Variants in NLRP11 observed in about 807,000 individuals in gnomAD.
The protein encoded by NLRP11 is NACHT, LRR and PYD domains-containing protein 11.
A neutral mutation model predicts 79.3 loss-of-function variants in NLRP11; 53 were observed. The observed-to-expected ratio is 0.67, with a 90% CI of 0.54 to 0.84. The LOEUF is 0.84. Ranked by LOEUF, NLRP11 falls within the 40% of genes least tolerant of loss-of-function variation. The probability of loss-of-function intolerance (pLI) is 0.00; values close to 1 mark genes in which losing one functional copy is unlikely to be tolerated. For synonymous variants in NLRP11, 518 were observed against 462.6 expected (o/e 1.12, Z -1.54); for missense variants, 1,264 against 1,255.0 (o/e 1.01, Z -0.11).
intron 5 of NLRP11, among the ~76,000 whole-genome samples, chr19:55,800,740 T>G (rs1435826308): frequency 6.6e-6 from 1 of 152,200 alleles, no homozygotes; most frequent in African/African-American, 2.4e-5. Context: ...ACATTTCTGA[T>G]GAAAATGTGC....
Position 55,785,819 on chromosome 19 carries a change from T to A in NLRP11, c.2908A>T (p.Lys970Ter). Residue 970 changes from lysine (K) to a stop codon, truncating the protein, a stop_gained, in exon 10 of 10, where the codon AAG becomes TAG. Coordinates refer to ENST00000589093, the Ensembl canonical transcript of NLRP11. LOFTEE classifies it low-confidence loss of function (END_TRUNC). ...AAGATCAAACTGGGTTTTCTTTCCT[T>A]TACAGTCATCAGCAACTGCTGGGTT... 6.2e-7 allele frequency: 1 copy of A among 1,614,188 alleles called. No individual in the cohort carries two copies. Among genetic ancestry groups the A allele is most frequent in the Non-Finnish European group, 8.5e-7 (1 of 1,180,012 alleles).
At chr19:55,828,031 G>C (rs1982397278) in intron 1 of NLRP11, among the ~76,000 whole-genome samples, 1 of 150,468 alleles carries the variant, frequency 6.6e-6, no homozygotes, top group African/African-American at 2.5e-5. Context: ...GTCCAACAAT[G>C]ATAGACTGGA....
At chr19:55,790,820 G>T (rs1990193105) in intron 7 of NLRP11, among the ~76,000 whole-genome samples, 1 of 152,156 alleles carries the variant, frequency 6.6e-6, no homozygotes, top group South Asian at 2.1e-4. Context: ...AGTTAATGAT[G>T]TGCCAACCAC....
At chr19:55,793,020 A>AT (rs931236627) in intron 6 of NLRP11, among the ~76,000 whole-genome samples, 12 of 150,910 alleles carry the variant, frequency 8.0e-5, no homozygotes, top group East Asian at 3.9e-4. Flanking sequence ...TCCAGCCTCT[A>AT]TTTTTTTTTC....
At chr19:55,821,249 A>AC (rs72006711) in intron 1 of NLRP11, among the ~76,000 whole-genome samples, 1,903 of 124,388 alleles carry the variant, frequency 0.015, 57 homozygotes, top group African/African-American at 0.052. Flanking sequence ...ACACACACAC[A>AC]CCCCAAGCAC....
chr19:55,805,538 G>T lies in NLRP11; in HGVS notation c.2003+2315C>A, dbSNP rs575903369. Among the ~76,000 whole-genome samples the T allele has an allele frequency of 2.9e-3, 420 of 147,360 alleles. 2 individuals carry two copies. The highest frequency in any genetic ancestry group is 9.5e-3 in the African/African-American group (383 of 40,306). ...TTGCAACAAAACTGTTTAAGGTTTT[G>T]TTTTTTTTTTTAAATACACACAATG... On this transcript the variant is annotated intron_variant, in intron 4 of 9. Coordinates refer to ENST00000589093, the Ensembl canonical transcript of NLRP11.
At chr19:55,807,365 G>A (rs1448557294) in intron 4 of NLRP11, among the ~76,000 whole-genome samples, 4 of 152,104 alleles carry the variant, frequency 2.6e-5, no homozygotes, top group African/African-American at 9.7e-5. Flanking sequence ...AACGCATTCT[G>A]TAGGAAAGAA....
chr19:55,794,584 C>T (rs1030087750), intron 6 of NLRP11, among the ~76,000 whole-genome samples: 2 of 152,046 alleles, frequency 1.3e-5, no homozygotes, highest in African/African-American at 2.4e-5. Context: ...CACGGTGAAA[C>T]CCCGTCTCTA....
At chr19:55,788,838 T>G in exon 9 of NLRP11, 3 of 1,607,340 alleles carry the variant, frequency 1.9e-6, no homozygotes, top group Non-Finnish European at 2.5e-6. Flanking sequence ...TCTGGGCTGA[T>G]CAAGCTCTCA....
At chr19:55,789,284 T>C in exon 8 of NLRP11, 1 of 1,614,196 alleles carries the variant, frequency 6.2e-7, no homozygotes, top group Non-Finnish European at 8.5e-7. Context: ...AGCAGCTGCA[T>C]TCCTGCATCT....
At chr19:55,801,546 G>A in intron 5 of NLRP11, 26 bp downstream of exon 5, 2 of 1,608,348 alleles carry the variant, frequency 1.2e-6, no homozygotes, top group Non-Finnish European at 1.7e-6. Flanking sequence ...CACATGCACT[G>A]AGCTTTCAGC....
intron 9 of NLRP11, 21 bp downstream of exon 9, chr19:55,788,786 C>T: frequency 1.7e-6 from 2 of 1,171,770 alleles, no homozygotes; most frequent in Admixed American, 2.3e-5. Flanking sequence ...TCCCCATCAC[C>T]AAGGAAAATA....
intron 2 of NLRP11, among the ~76,000 whole-genome samples, chr19:55,813,284 C>T (rs1288121256): frequency 2.0e-5 from 3 of 152,128 alleles, no homozygotes; most frequent in East Asian, 1.9e-4. Flanking sequence ...GCCAAGATTG[C>T]ACCACTGCAC....
intron 7 of NLRP11, among the ~76,000 whole-genome samples, chr19:55,790,056 A>T (rs1990143776): frequency 6.6e-6 from 1 of 152,112 alleles, no homozygotes; most frequent in Non-Finnish European, 1.5e-5. Context: ...TTCTGCTTGC[A>T]AGCGCCACTC....
At chr19:55,823,196 G>C (rs951110136) in intron 1 of NLRP11, among the ~76,000 whole-genome samples, 4 of 144,990 alleles carry the variant, frequency 2.8e-5, no homozygotes, top group African/African-American at 8.0e-5. Context: ...ACCTGCAGCT[G>C]AGGGTCCTGT....
At chr19:55,829,581 C>T (rs1008953244) in intron 1 of NLRP11, among the ~76,000 whole-genome samples, 6 of 144,216 alleles carry the variant, frequency 4.2e-5, no homozygotes, top group African/African-American at 5.2e-5. Context: ...GCAGGAGAAT[C>T]GCTTGAACCT....
At chr19:55,791,722 G>A (rs1234053033) in intron 7 of NLRP11, among the ~76,000 whole-genome samples, 1 of 152,072 alleles carries the variant, frequency 6.6e-6, no homozygotes, top group East Asian at 1.9e-4. Flanking sequence ...AATACGAGAA[G>A]TTTGATTATT....
intron 4 of NLRP11, among the ~76,000 whole-genome samples, chr19:55,805,527 T>C (rs1979901424): frequency 7.2e-6 from 1 of 139,610 alleles, no homozygotes; most frequent in African/African-American, 3.1e-5. Flanking sequence ...AACAAAACTG[T>C]TTAAGGTTTT....
chr19:55,790,828 C>T (rs1990193802), intron 7 of NLRP11, among the ~76,000 whole-genome samples: 1 of 152,122 alleles, frequency 6.6e-6, no homozygotes, highest in African/African-American at 2.4e-5. Flanking sequence ...ATGTGCCAAC[C>T]ACATCCATGC....
Sources: allele counts gnomAD v4.1 joint callset (sites outside exome capture counted in the v4.1 genomes callset), GRCh38; gene constraint gnomAD v4.1.1; transcripts MANE v1.5; gene names NCBI Gene and HGNC (gene_info 2026-07-23, HGNC 2026-07-21).